Variants in DLG1 observed in about 807,000 individuals in gnomAD.
DLG1 encodes the protein disks large homolog 1.
A neutral mutation model predicts 123.4 loss-of-function variants in DLG1; 42 were observed. The ratio of observed to expected loss-of-function variants is 0.34; its 90% CI spans 0.27 to 0.44. DLG1 has a LOEUF of 0.44. Among genes scored for constraint, DLG1 ranks in the 20% least tolerant of loss-of-function variants. The pLI, the probability that DLG1 is intolerant of heterozygous loss-of-function variation, is 1.00. For synonymous variants in DLG1, 317 were observed against 356.2 expected (o/e 0.89, Z 1.24); for missense variants, 942 against 1,082.6 (o/e 0.87, Z 1.82).
chr3:197,212,779 A>G (rs986620815), intron 4 of DLG1, among the ~76,000 whole-genome samples: 2 of 152,202 alleles, frequency 1.3e-5, no homozygotes, highest in African/African-American at 4.8e-5. Context: ...ACTCCAACAT[A>G]TCTTTTTTTG....
At chr3:197,067,827 G>A (rs1381194992) in intron 19 of DLG1, among the ~76,000 whole-genome samples, 1 of 152,172 alleles carries the variant, frequency 6.6e-6, no homozygotes, top group African/African-American at 2.4e-5. Context: ...AAAGTGCTGG[G>A]ATTACAGGCG....
At chr3:197,274,495 T>C (rs569305876) in intron 4 of DLG1, among the ~76,000 whole-genome samples, 6 of 148,048 alleles carry the variant, frequency 4.1e-5, no homozygotes, top group Non-Finnish European at 7.6e-5. Flanking sequence ...AAAGATACAA[T>C]ACGACACGAC....
chr3:197,122,806 T>G (rs1168050675), intron 11 of DLG1, among the ~76,000 whole-genome samples: 1 of 152,126 alleles, frequency 6.6e-6, no homozygotes, highest in Non-Finnish European at 1.5e-5. Flanking sequence ...ATGGACTGAT[T>G]AAGAAACTCA....
At chr3:197,145,342 G>A (rs761276165) in intron 6 of DLG1, among the ~76,000 whole-genome samples, 1 of 151,966 alleles carries the variant, frequency 6.6e-6, no homozygotes, top group Non-Finnish European at 1.5e-5. Context: ...TACATTTCAT[G>A]GTATTACTTT....
At chr3:197,203,741 T>G (rs892284263) in intron 4 of DLG1, among the ~76,000 whole-genome samples, 1 of 152,232 alleles carries the variant, frequency 6.6e-6, no homozygotes, top group Non-Finnish European at 1.5e-5. Flanking sequence ...AGAGCAAAAC[T>G]ATATTCTTGG....
chr3:197,297,987 T>G (rs1579651101), intron 1 of DLG1: 1 of 940,644 alleles, frequency 1.1e-6, no homozygotes, highest in Non-Finnish European at 1.3e-6. Context: ...TCGTCCTCCT[T>G]CTCGGCCGCG....
At chr3:197,288,743 A>AAAAATACATACATACATAC (rs1553827364) in intron 3 of DLG1, among the ~76,000 whole-genome samples, 6 of 72,104 alleles carry the variant, frequency 8.3e-5, no homozygotes, top group Admixed American at 3.4e-4. Context: ...AAAAAAAAAA[A>AAAAATACATACATACATAC]ATACATACAT....
At chr3:197,067,034 G>C (rs943287155) in intron 19 of DLG1, among the ~76,000 whole-genome samples, 1 of 151,956 alleles carries the variant, frequency 6.6e-6, no homozygotes, top group African/African-American at 2.4e-5. Context: ...GATGCTATGT[G>C]CTACTCCTTT....
intron 4 of DLG1, among the ~76,000 whole-genome samples, chr3:197,267,323 C>T (rs781246739): frequency 2.2e-4 from 33 of 152,110 alleles, no homozygotes; most frequent in Non-Finnish European, 2.4e-4. Flanking sequence ...ATAACATATG[C>T]GAACAGCTTC....
rs540963072 is a variant in DLG1 at position 197,148,543 on chromosome 3, T to G, written c.537+1200A>C. 1.6e-4 allele frequency among the ~76,000 whole-genome samples: 24 copies of G among 152,196 alleles called. No homozygotes were observed. In the South Asian group the frequency reaches 4.4e-3, roughly 28 times the overall value. Reference sequence around the variant, plus strand: ...AAGAAATATACCCATATATTTACAGTTAACTGATTTTCTATATGGTTGCCA... The same window carrying G: ...AAGAAATATACCCATATATTTACAGGTAACTGATTTTCTATATGGTTGCCA... On this transcript the variant is annotated intron_variant, in intron 6 of 24. Coordinates refer to ENST00000667157, the MANE Select transcript of DLG1 (RefSeq NM_001366207.1).
intron 5 of DLG1, among the ~76,000 whole-genome samples, chr3:197,184,748 T>C (rs935900008): frequency 6.6e-6 from 1 of 152,242 alleles, no homozygotes; most frequent in African/African-American, 2.4e-5. Flanking sequence ...TTAACGCTGG[T>C]AAATTTTTCG....
chr3:197,044,769 G>T, intron 24 of DLG1, 40 bp from the exon 25 acceptor site: 1 of 1,294,522 alleles, frequency 7.7e-7, no homozygotes, highest in Admixed American at 2.2e-5. Context: ...TCCATTAATT[G>T]TCTATTTTTG....
intron 4 of DLG1, among the ~76,000 whole-genome samples, chr3:197,233,070 A>G (rs1744088516): frequency 6.6e-6 from 1 of 152,224 alleles, no homozygotes; most frequent in South Asian, 2.1e-4. Flanking sequence ...GAAAATCCTA[A>G]GGAAGGAATC....
At position 197,127,439 on chromosome 3, in the gene DLG1, AAAAAAAAAAAAAAAAAAAATATATAT is replaced by A. The variant is rs1461566872; in HGVS notation, c.1165+3062_1165+3087del. Among the ~76,000 whole-genome samples the A allele has an allele frequency of 9.6e-3, 382 of 39,974 alleles. 1 individual carries two copies. The highest frequency in any genetic ancestry group is 0.042 in the East Asian group (67 of 1,594). The allele number at this position is 39,974 out of a possible 152,430, so 26.2% of individuals were successfully genotyped here. On this transcript the variant is annotated intron_variant, in intron 11 of 24. Coordinates refer to ENST00000667157, the MANE Select transcript of DLG1 (RefSeq NM_001366207.1). ...TTCTGTCTCCAAAAAAAAAAAAAAA[AAAAAAAAAAAAAAAAAAAATATATAT>A]ATATATATATATATATATATATATA...
chr3:197,050,008 C>T lies in DLG1; in HGVS notation c.2575+1569G>A, dbSNP rs1032881630. Among the ~76,000 whole-genome samples, 3 of 152,060 alleles carry T rather than the reference C, an allele frequency of 2.0e-5. No homozygotes were observed. The East Asian group carries it at 5.8e-4, about 29-fold the overall frequency. Reference sequence around the variant, plus strand: ...CCCAGGAGGTTGAGGCTGCAGTGAGCCATGATCATGACACTGTACTCCAGC... The same window carrying T: ...CCCAGGAGGTTGAGGCTGCAGTGAGTCATGATCATGACACTGTACTCCAGC... On this transcript the variant is annotated intron_variant, in intron 24 of 24. Transcript: ENST00000667157.
chr3:197,193,981 G>A (rs1388461314), intron 5 of DLG1, among the ~76,000 whole-genome samples: 1 of 151,932 alleles, frequency 6.6e-6, no homozygotes, highest in Non-Finnish European at 1.5e-5. Context: ...CATCATGCCT[G>A]GTTAATTTTT....
chr3:197,187,727 T>C (rs1167854234), intron 5 of DLG1, among the ~76,000 whole-genome samples: 2 of 152,312 alleles, frequency 1.3e-5, no homozygotes, highest in East Asian at 3.9e-4. Flanking sequence ...TTTTTATTTG[T>C]TCGATTTACT....
intron 3 of DLG1, 143 bp from the exon 4 acceptor site, chr3:197,282,988 A>T (rs1274890551): frequency 8.2e-6 from 4 of 490,524 alleles, no homozygotes; most frequent in East Asian, 6.5e-5. Flanking sequence ...TAAACAGTGA[A>T]TATTATCTTA....
intron 13 of DLG1, among the ~76,000 whole-genome samples, chr3:197,107,985 C>T (rs1767571109): frequency 6.6e-6 from 1 of 151,936 alleles, no homozygotes; most frequent in Admixed American, 6.6e-5. Flanking sequence ...GTTGAAGTTC[C>T]CTTTTATTCC....
Sources: gnomAD v4.1 joint callset for allele counts (sites outside exome capture counted in the v4.1 genomes callset) on GRCh38, gnomAD v4.1.1 for gene constraint, MANE v1.5 for transcripts, NCBI Gene and HGNC (gene_info 2026-07-23, HGNC 2026-07-21) for gene names.